MAP2K5: variants seen among roughly 807,000 people sequenced by gnomAD.
MAP2K5 encodes the protein dual specificity mitogen-activated protein kinase kinase 5.
In MAP2K5, 49 loss-of-function variants were observed where a neutral mutation model predicts 83.1. That is an observed-to-expected ratio of 0.59 (90% CI 0.47 to 0.75). The LOEUF is 0.75. MAP2K5 is among the 30% of genes least tolerant of loss of function. MAP2K5 has a pLI of 0.00. For synonymous variants in MAP2K5, 202 were observed against 191.8 expected (o/e 1.05, Z -0.44); for missense variants, 457 against 557.5 (o/e 0.82, Z 1.82).
At chr15:67,773,669 C>T (rs4776374) in intron 21 of MAP2K5, among the ~76,000 whole-genome samples, 149,042 of 152,340 alleles carry the variant, frequency 0.98, 73,002 homozygotes, top group East Asian at 1. Context: ...TGAATGCTTT[C>T]CAGGAAGGTA....
At position 67,760,748 on chromosome 15, in the gene MAP2K5, C is replaced by T. The variant is rs978225376; in HGVS notation, c.1135-8854C>T. Among the ~76,000 whole-genome samples, 4 of 152,006 alleles carry T rather than the reference C, an allele frequency of 2.6e-5. No individual in the cohort carries two copies. The highest frequency in any genetic ancestry group is 1.3e-4 in the Admixed American group (2 of 15,264). On this transcript the variant is annotated intron_variant, in intron 19 of 21. Transcript: ENST00000178640. The surrounding 1 kb of genome is among the most constrained non-coding windows in gnomAD (Gnocchi z 4.1). ...TAGCGGTCTGTGAATGGGCAGTTGC[C>T]TGGTGGGGCCAGTTTTGGCTGCTGT...
intron 21 of MAP2K5, 53 bp downstream of exon 21, chr15:67,772,805 A>G: frequency 6.9e-7 from 1 of 1,445,452 alleles, no homozygotes; most frequent in South Asian, 1.2e-5. Flanking sequence ...ATTTATGTTT[A>G]ACATTCTGTT....
chr15:67,803,227 C>T (rs985045138), intron 21 of MAP2K5, among the ~76,000 whole-genome samples: 6 of 152,290 alleles, frequency 3.9e-5, no homozygotes, highest in East Asian at 3.9e-4. Context: ...ATCAGTAATA[C>T]GAAGGAGATG....
intron 16 of MAP2K5, among the ~76,000 whole-genome samples, chr15:67,716,516 G>C (rs890401260): frequency 6.6e-6 from 1 of 152,122 alleles, no homozygotes; most frequent in Non-Finnish European, 1.5e-5. Flanking sequence ...CCAACTTTGA[G>C]ATATCCAGTG....
chr15:67,783,566 C>G lies in MAP2K5; in HGVS notation c.1242+10814C>G, dbSNP rs1214117157. On this transcript the variant is annotated intron_variant, in intron 21 of 21. Transcript: ENST00000178640. This position sits in a 1 kb window ranked among gnomAD's most constrained non-coding sequence, Gnocchi z 5.1. ...TCACCCTTCACCCTGGCTAATACTT[C>G]TGTTAGTGCACTCGTCACGCTTTGT... Among the ~76,000 whole-genome samples the G allele has an allele frequency of 2.0e-5, 3 of 152,206 alleles. No homozygotes were observed. Among genetic ancestry groups the G allele is most frequent in the Non-Finnish European group, 4.4e-5 (3 of 68,038 alleles).
intron 17 of MAP2K5, among the ~76,000 whole-genome samples, chr15:67,735,080 A>T (rs1276223402): frequency 1.3e-5 from 2 of 152,352 alleles, no homozygotes; most frequent in African/African-American, 2.4e-5. Flanking sequence ...TGACATGAAG[A>T]TGTTCACTTA....
At chr15:67,666,545 C>G (rs951815420) in intron 13 of MAP2K5, among the ~76,000 whole-genome samples, 3 of 152,200 alleles carry the variant, frequency 2.0e-5, no homozygotes, top group South Asian at 2.1e-4. Flanking sequence ...GCTTGGTTGA[C>G]CAGAGACTCT....
chr15:67,628,021 G>A, intron 8 of MAP2K5: 2 of 748,268 alleles, frequency 2.7e-6, no homozygotes, highest in South Asian at 2.7e-5. Flanking sequence ...TGGGGCTTTG[G>A]GTTTGTCACA....
At chr15:67,716,369 A>G (rs777729821) in intron 16 of MAP2K5, among the ~76,000 whole-genome samples, 2 of 152,066 alleles carry the variant, frequency 1.3e-5, no homozygotes, top group African/African-American at 4.8e-5. Flanking sequence ...AACAAACAGG[A>G]TGATATGCTA....
At position 67,786,284 on chromosome 15, in the gene MAP2K5, CTG is replaced by C. The variant is rs1474826159; in HGVS notation, c.1242+13535_1242+13536del. ...AATTGGTAGTCTCTTGGGGTGGTCT[CTG>C]TGGTTGAAAATCCAAACAAGATGAA... On this transcript the variant is annotated intron_variant, in intron 21 of 21. Transcript: ENST00000178640. This position sits in a 1 kb window ranked among gnomAD's most constrained non-coding sequence, Gnocchi z 4.7. 6.6e-6 allele frequency among the ~76,000 whole-genome samples: 1 copy of C among 151,970 alleles called. No individual in the cohort carries two copies. Among genetic ancestry groups the C allele is most frequent in the East Asian group, 1.9e-4 (1 of 5,196 alleles).
chr15:67,789,457 G>A (rs1465876589), intron 21 of MAP2K5, among the ~76,000 whole-genome samples: 3 of 152,096 alleles, frequency 2.0e-5, no homozygotes, highest in Admixed American at 6.5e-5. Context: ...GCGGCTTAAC[G>A]CCTGTAATCC....
chr15:67,770,246 C>T lies in MAP2K5; in HGVS notation c.1196+583C>T, dbSNP rs1328046893. On this transcript the variant is annotated intron_variant, in intron 20 of 21. Transcript: ENST00000178640. The surrounding 1 kb of genome is among the most constrained non-coding windows in gnomAD (Gnocchi z 5.0). ...GGGCCCTCAGAGCCTCTAGGCAATT[C>T]CTTGTCATTTTATATCTGAAGAAAC... 6.6e-6 allele frequency among the ~76,000 whole-genome samples: 1 copy of T among 152,198 alleles called. No individual in the cohort carries two copies. Among genetic ancestry groups the T allele is most frequent in the East Asian group, 1.9e-4 (1 of 5,200 alleles).
intron 11 of MAP2K5, among the ~76,000 whole-genome samples, chr15:67,651,061 C>G (rs1266389407): frequency 6.6e-6 from 1 of 151,858 alleles, no homozygotes; most frequent in Non-Finnish European, 1.5e-5. Context: ...CTAAAAGTAC[C>G]AAAAAAATTA....
intron 17 of MAP2K5, among the ~76,000 whole-genome samples, chr15:67,730,976 A>G (rs1353181174): frequency 6.6e-6 from 1 of 152,164 alleles, no homozygotes; most frequent in Non-Finnish European, 1.5e-5. Flanking sequence ...TACCTCTTCT[A>G]TCTGATTAAA....
At chr15:67,653,834 G>A (rs541849374) in intron 11 of MAP2K5, among the ~76,000 whole-genome samples, 6 of 151,998 alleles carry the variant, frequency 3.9e-5, no homozygotes, top group African/African-American at 7.2e-5. Flanking sequence ...CTCTAAGCAC[G>A]GCTTTAGTTG....
chr15:67,575,896 TTTTC>T (rs1437089250), intron 3 of MAP2K5, among the ~76,000 whole-genome samples: 21 of 68,408 alleles, frequency 3.1e-4, no homozygotes, highest in Middle Eastern at 0.015. Context: ...TCTCTTCTTT[TTTTC>T]TTTCTTTCTT....
At position 67,756,856 on chromosome 15, in the gene MAP2K5, GT is replaced by G. The variant is rs1163483888; in HGVS notation, c.1134+8257del. On this transcript the variant is annotated intron_variant, in intron 19 of 21. Transcript: ENST00000178640. Reference sequence around the variant, plus strand: ...GTCTGAACCTTCAGGTTCATATGCTGTTGCAAATGACAGGATTTCCTTTTTT... The same window carrying G: ...GTCTGAACCTTCAGGTTCATATGCTGTGCAAATGACAGGATTTCCTTTTTT... 2.0e-5 allele frequency among the ~76,000 whole-genome samples: 3 copies of G among 152,028 alleles called. No individual in the cohort carries two copies. In the East Asian group the frequency reaches 5.8e-4, roughly 29 times the overall value.
Position 67,565,086 on chromosome 15 carries a change from C to A in MAP2K5, c.252+1736C>A, listed in dbSNP as rs1001376366. On this transcript the variant is annotated intron_variant, in intron 3 of 21. Coordinates refer to ENST00000178640, the MANE Select transcript of MAP2K5 (RefSeq NM_145160.3). This position sits in a 1 kb window ranked among gnomAD's most constrained non-coding sequence, Gnocchi z 4.1. ...GAGGAAGCTGTGGTTAAGAGATAAG[C>A]CCAAGGTCTTAGAGCTAGTATGAAT... Among the ~76,000 whole-genome samples, 5 of 152,210 alleles carry A rather than the reference C, an allele frequency of 3.3e-5. No individual in the cohort carries two copies. The highest frequency in any genetic ancestry group is 1.2e-4 in the African/African-American group (5 of 41,532).
intron 4 of MAP2K5, among the ~76,000 whole-genome samples, chr15:67,585,487 C>A (rs1218048455): frequency 1.3e-5 from 2 of 152,106 alleles, no homozygotes; most frequent in Non-Finnish European, 2.9e-5. Context: ...TTAAAACATC[C>A]TTTTCTCACC....
Sources: gnomAD v4.1 joint callset for allele counts (sites outside exome capture counted in the v4.1 genomes callset) on GRCh38, gnomAD v4.1.1 for gene constraint, Gnocchi (gnomAD v3.1) non-coding constraint, MANE v1.5 for transcripts, NCBI Gene and HGNC (gene_info 2026-07-23, HGNC 2026-07-21) for gene names.